DIAPH3: variants seen among roughly 807,000 people sequenced by gnomAD.
DIAPH3 encodes the protein protein diaphanous homolog 3.
In DIAPH3, 117 loss-of-function variants were observed where a neutral mutation model predicts 144.3. The observed-to-expected ratio is 0.81, with a 90% confidence interval of 0.70 to 0.95. The LOEUF (loss-of-function observed/expected upper bound fraction) is 0.95. Among genes scored for constraint, DIAPH3 ranks in the 40% least tolerant of loss-of-function variants. DIAPH3 has a pLI of 0.00. For missense variants in DIAPH3, 1,421 were observed against 1,412.7 expected, an observed-to-expected ratio of 1.01 and a Z score of -0.09; for synonymous variants, 519 against 488.9, an observed-to-expected ratio of 1.06 and a Z score of -0.81.
At chr13:59,883,671 C>G (rs1423921433) in intron 20 of DIAPH3, among the ~76,000 whole-genome samples, 1 of 152,078 alleles carries the variant, frequency 6.6e-6, no homozygotes, top group African/African-American at 2.4e-5. Context: ...CTAGTAGGAC[C>G]CAGGCCTAGA....
intron 20 of DIAPH3, among the ~76,000 whole-genome samples, chr13:59,904,644 C>CT (rs1369844747): frequency 6.6e-6 from 1 of 150,616 alleles, no homozygotes; most frequent in African/African-American, 2.4e-5. Context: ...CAATGCGTCC[C>CT]TAAAAAAAAA....
At chr13:59,859,098 A>G (rs2043423086) in intron 22 of DIAPH3, among the ~76,000 whole-genome samples, 2 of 152,194 alleles carry the variant, frequency 1.3e-5, no homozygotes, top group South Asian at 4.1e-4. Flanking sequence ...ACCTCATTCA[A>G]AATATTACAT....
chr13:59,994,447 C>T (rs745969435), intron 9 of DIAPH3, among the ~76,000 whole-genome samples: 1 of 151,786 alleles, frequency 6.6e-6, no homozygotes, highest in Admixed American at 6.6e-5. Flanking sequence ...AGCATTTATG[C>T]CATATCAATC....
chr13:59,771,203 T>C (rs1166063754), intron 27 of DIAPH3, among the ~76,000 whole-genome samples: 1 of 152,076 alleles, frequency 6.6e-6, no homozygotes, highest in African/African-American at 2.4e-5. Flanking sequence ...TCTGAGACTA[T>C]AGCTATGATT....
Position 60,008,594 on chromosome 13 carries a change from T to G in DIAPH3, c.964A>C (p.Arg322=). The change falls in exon 9 of 28, where the codon AGA becomes CGA. Residue 322 remains arginine, a synonymous_variant. Coordinates refer to ENST00000400324, the MANE Select transcript of DIAPH3 (RefSeq NM_001042517.2). ...AGGCCTTCCACAATACAAAAAAATC[T>G]GTCAATTTTTTTTTCTTCACCAGCT... ...TSAGEEKKID[R]FFCIVEGLRH... is the part of the protein sequence containing the mutation. 2 of 1,613,756 alleles carry G rather than the reference T, an allele frequency of 1.2e-6. No individual in the cohort carries two copies. Among genetic ancestry groups the G allele is most frequent in the Non-Finnish European group, 1.7e-6 (2 of 1,179,856 alleles).
In DIAPH3 at chr13:59,678,617, C is replaced by T. The variant is rs554305031; in HGVS notation, c.3320-11771G>A. On this transcript the variant is annotated intron_variant, in intron 27 of 27. Transcript: ENST00000400324. The stretch of plus-strand genomic sequence containing the variant: ...CCGTGAGCATGGATCTTTTTCCATT[C>T]CGAAAAAGAAATTGGTTTTAAAGGT... 2.7e-3 allele frequency among the ~76,000 whole-genome samples: 406 copies of T among 152,232 alleles called. 3 individuals carry two copies. The highest frequency in any genetic ancestry group is 3.9e-3 in the South Asian group (19 of 4,818).
intron 13 of DIAPH3, 22 bp from the exon 14 acceptor site, chr13:59,980,881 A>C: frequency 6.3e-7 from 1 of 1,599,500 alleles, no homozygotes; most frequent in East Asian, 2.2e-5. Context: ...ATGACAGGAA[A>C]TTTTTAATGT....
At chr13:59,754,824 A>G (rs2037176184) in intron 27 of DIAPH3, among the ~76,000 whole-genome samples, 1 of 152,128 alleles carries the variant, frequency 6.6e-6, no homozygotes, top group African/African-American at 2.4e-5. Context: ...AACTCTTGCT[A>G]TGTGCTAGGT....
chr13:59,870,781 C>T (rs1166521361), intron 21 of DIAPH3, among the ~76,000 whole-genome samples: 1 of 151,972 alleles, frequency 6.6e-6, no homozygotes, highest in African/African-American at 2.4e-5. Context: ...AGCGACTCTC[C>T]TGTCTCAGCC....
At chr13:59,901,263 A>C (rs1322119098) in intron 20 of DIAPH3, among the ~76,000 whole-genome samples, 1 of 152,256 alleles carries the variant, frequency 6.6e-6, no homozygotes, top group East Asian at 1.9e-4. Context: ...CTGCAAGGCC[A>C]TGCATGATCA....
At chr13:59,789,406 G>A (rs1378145476) in intron 25 of DIAPH3, among the ~76,000 whole-genome samples, 8 of 151,504 alleles carry the variant, frequency 5.3e-5, no homozygotes, top group Non-Finnish European at 7.4e-5. Context: ...ATTAGGATTT[G>A]TTTTAGATTT....
At chr13:60,076,663 ACTTT>A (rs1299361524) in intron 4 of DIAPH3, among the ~76,000 whole-genome samples, 1 of 152,164 alleles carries the variant, frequency 6.6e-6, no homozygotes, top group Non-Finnish European at 1.5e-5. Context: ...AATGTCTTAT[ACTTT>A]CTAAATTTTC....
chr13:60,116,985 A>C (rs558484776), intron 2 of DIAPH3, among the ~76,000 whole-genome samples: 1 of 152,146 alleles, frequency 6.6e-6, no homozygotes, highest in African/African-American at 2.4e-5. Flanking sequence ...AAATAAAAGA[A>C]CAAGCTCCAA....
At chr13:59,912,098 A>C (rs1404110121) in intron 19 of DIAPH3, among the ~76,000 whole-genome samples, 2 of 152,140 alleles carry the variant, frequency 1.3e-5, no homozygotes. Flanking sequence ...TATATAATTG[A>C]GAAAGAGAAC....
rs957504782 is a variant in DIAPH3, at chr13:59,882,429, T to C, written c.2368-2961A>G. On this transcript the variant is annotated intron_variant, in intron 20 of 27. Coordinates refer to ENST00000400324, the MANE Select transcript of DIAPH3 (RefSeq NM_001042517.2). ...TTGAATCAAACTTTATTTCTTCAGG[T>C]GGAATCAAATAAAAAGGGTTAAGAA... is the stretch of plus-strand genomic sequence containing the variant. Among the ~76,000 whole-genome samples the C allele has an allele frequency of 2.0e-5, 3 of 152,090 alleles. No individual in the cohort carries two copies. The East Asian group carries it at 5.8e-4, about 29-fold the overall frequency.
chr13:59,732,243 T>C (rs2035923875), intron 27 of DIAPH3, among the ~76,000 whole-genome samples: 2 of 89,662 alleles, frequency 2.2e-5, no homozygotes, highest in South Asian at 7.2e-4. Flanking sequence ...ATCTCAAGTA[T>C]TTTTTTGAGT....
intron 5 of DIAPH3, among the ~76,000 whole-genome samples, chr13:60,030,562 G>A (rs2054711674): frequency 6.6e-6 from 1 of 151,954 alleles, no homozygotes; most frequent in Admixed American, 6.6e-5. Flanking sequence ...CATTTAACAT[G>A]TACTCTGATC....
At chr13:60,029,694 G>A (rs1307603155) in intron 5 of DIAPH3, among the ~76,000 whole-genome samples, 1 of 152,186 alleles carries the variant, frequency 6.6e-6, no homozygotes, top group Non-Finnish European at 1.5e-5. Context: ...AAGCAGAACT[G>A]TGGGTCAATT....
chr13:59,846,322 T>C (rs1401724473), intron 22 of DIAPH3, among the ~76,000 whole-genome samples: 1 of 152,136 alleles, frequency 6.6e-6, no homozygotes, highest in Non-Finnish European at 1.5e-5. Flanking sequence ...CCACACTCAC[T>C]CTTACACATC....
Sources: gnomAD v4.1 joint callset for allele counts (sites outside exome capture counted in the v4.1 genomes callset) on GRCh38, gnomAD v4.1.1 for gene constraint, MANE v1.5 for transcripts, NCBI Gene and HGNC (gene_info 2026-07-23, HGNC 2026-07-21) for gene names.